The following CHM variants were observed in gnomAD, a reference collection of about 807,000 sequenced individuals.
The protein encoded by CHM is rab proteins geranylgeranyltransferase component A 1.
CHM carries 10 observed loss-of-function variants against 49.0 expected under a neutral mutation model. That is an observed-to-expected ratio of 0.20 (90% CI 0.13 to 0.35). The LOEUF is 0.35. Ranked by LOEUF, CHM falls within the 10% of genes least tolerant of loss-of-function variation. The pLI is 1.00. For missense variants in CHM, 455 were observed against 478.4 expected, an observed-to-expected ratio of 0.95 and a Z score of 0.46; for synonymous variants, 184 against 167.5, an observed-to-expected ratio of 1.10 and a Z score of -0.76.
At chrX:85,986,133 G>A (rs962770348) in intron 2 of CHM, among the ~76,000 whole-genome samples, 3 of 110,959 alleles carry the variant, frequency 2.7e-5, no homozygotes, top group African/African-American at 6.6e-5. Context: ...ACCCACCCCC[G>A]ACTGCTCGCC....
intron 8 of CHM, among the ~76,000 whole-genome samples, chrX:85,928,106 A>G (rs1928196883): frequency 1.8e-5 from 2 of 112,565 alleles, no homozygotes; most frequent in Admixed American, 9.4e-5. Context: ...GTATAACAAG[A>G]AAGAAGACAG....
At chrX:85,881,824 A>G (rs180919583) in intron 12 of CHM, among the ~76,000 whole-genome samples, 165 of 111,906 alleles carry the variant, frequency 1.5e-3, no homozygotes, top group African/African-American at 5.0e-3. Flanking sequence ...ATTCTGTTTA[A>G]TATTTATTTA....
intron 1 of CHM, among the ~76,000 whole-genome samples, chrX:86,039,707 C>T (rs757346707): frequency 1.8e-5 from 2 of 110,529 alleles, no homozygotes; most frequent in South Asian, 7.8e-4. Flanking sequence ...TTGCCTTTTC[C>T]GAAACCACTT....
At position 85,981,820 on chromosome X, in the gene CHM, T is replaced by TTA; in HGVS notation, c.117-12_117-11insTA. The TTA allele has an allele frequency of 2.1e-6, 2 of 949,876 alleles. No individual in the cohort carries two copies. Among genetic ancestry groups the TTA allele is most frequent in the Non-Finnish European group, 2.8e-6 (2 of 709,351 alleles). 78.3% of individuals were successfully genotyped at this position (949,876 alleles called of 1,213,427 possible). A position where few individuals can be genotyped will look rare whatever the true frequency, so the allele number is the denominator to read the frequency against. On this transcript the variant is annotated splice_polypyrimidine_tract_variant and intron_variant, in intron 2 of 14. Transcript: ENST00000357749. ...CCATAGTAGCTTCTTCTGTAACAATTAAAAAAAAAAAAAAAAGTAAAGAAA... is the reference window on the plus strand; with the variant it reads ...CCATAGTAGCTTCTTCTGTAACAATTTAAAAAAAAAAAAAAAAAGTAAAGAAA...
rs1555967768 is a variant in CHM at position 86,021,155 on chromosome X, T to TAC, written c.116+6335_116+6336insGT. ...ATATATATATATATATATATATATA[T>TAC]ATACACGTATATATATGTGTATATA... On this transcript the variant is annotated intron_variant, in intron 2 of 14. Transcript: ENST00000357749. Among the ~76,000 whole-genome samples, 3 of 50,909 alleles carry TAC rather than the reference T, an allele frequency of 5.9e-5. No homozygotes were observed. In the Admixed American group the frequency reaches 6.4e-4, roughly 11 times the overall value. 44.2% of individuals were successfully genotyped at this position (50,909 alleles called of 115,157 possible).
intron 6 of CHM, 66 bp from the exon 7 acceptor site, chrX:85,958,041 CT>C (rs1280186722): frequency 6.3e-5 from 72 of 1,141,675 alleles, no homozygotes; most frequent in Non-Finnish European, 8.1e-5. Context: ...CCAAATTACA[CT>C]TTTTTCCCCT....
At chrX:86,020,499 C>CATAT (rs749039451) in intron 2 of CHM, among the ~76,000 whole-genome samples, 4 of 104,974 alleles carry the variant, frequency 3.8e-5, no homozygotes, top group African/African-American at 6.9e-5. Context: ...GCAAATATTA[C>CATAT]ATATATATAT....
At chrX:85,865,422 G>A (rs1227046049) in intron 14 of CHM, among the ~76,000 whole-genome samples, 2 of 111,950 alleles carry the variant, frequency 1.8e-5, no homozygotes. Context: ...CCCCAGCCAT[G>A]TGGCCTTGTG....
intron 2 of CHM, among the ~76,000 whole-genome samples, chrX:86,003,662 G>A (rs1932793047): frequency 8.9e-6 from 1 of 111,804 alleles, no homozygotes; most frequent in Non-Finnish European, 1.9e-5. Context: ...AAGGGTATCA[G>A]TGACTGAAGA....
intron 2 of CHM, among the ~76,000 whole-genome samples, chrX:86,003,245 C>T (rs999890518): frequency 1.8e-5 from 2 of 111,761 alleles, no homozygotes; most frequent in East Asian, 2.8e-4. Context: ...ACACCAAAAC[C>T]CCATCTGTAG....
intron 1 of CHM, among the ~76,000 whole-genome samples, chrX:86,042,935 G>A (rs181921068): frequency 8.9e-6 from 1 of 111,748 alleles, no homozygotes; most frequent in Non-Finnish European, 1.9e-5. Context: ...CATCCCATCA[G>A]GCCCCACCTC....
At chrX:85,891,104 A>G (rs1314056541) in intron 12 of CHM, among the ~76,000 whole-genome samples, 3 of 112,121 alleles carry the variant, frequency 2.7e-5, no homozygotes, top group African/African-American at 9.7e-5. Context: ...TATCTGGTGG[A>G]AGAAATTTCT....
intron 9 of CHM, among the ~76,000 whole-genome samples, chrX:85,905,661 C>A (rs1358427144): frequency 9.0e-6 from 1 of 111,112 alleles, no homozygotes; most frequent in African/African-American, 3.3e-5. Flanking sequence ...GTTAAGCAAG[C>A]AAATAAGGAT....
intron 2 of CHM, among the ~76,000 whole-genome samples, chrX:86,020,540 G>A (rs1933491858): frequency 9.5e-6 from 1 of 105,363 alleles, no homozygotes; most frequent in Admixed American, 1.0e-4. Flanking sequence ...TATATATATT[G>A]CAAACATTAC....
intron 1 of CHM, among the ~76,000 whole-genome samples, chrX:86,042,309 G>C (rs957889352): frequency 6.3e-5 from 7 of 111,440 alleles, no homozygotes; most frequent in African/African-American, 2.3e-4. Flanking sequence ...TTCCTGTGTT[G>C]CCATAAAGGA....
At chrX:85,917,338 T>C (rs1927515665) in intron 8 of CHM, among the ~76,000 whole-genome samples, 1 of 110,974 alleles carries the variant, frequency 9.0e-6, no homozygotes, top group Non-Finnish European at 1.9e-5. Context: ...AAAATAACTA[T>C]AGGGTACTAG....
chrX:86,036,550 G>C (rs1222117032), intron 1 of CHM, among the ~76,000 whole-genome samples: 1 of 110,857 alleles, frequency 9.0e-6, no homozygotes, highest in Non-Finnish European at 1.9e-5. Flanking sequence ...TTACCTCCTG[G>C]ATCTGGAAAG....
At chrX:85,964,576 G>A (rs183418493) in intron 4 of CHM, among the ~76,000 whole-genome samples, 79 of 111,755 alleles carry the variant, frequency 7.1e-4, no homozygotes, top group African/African-American at 2.5e-3. Context: ...AACAGTGGTA[G>A]TTATCAAAGA....
intron 8 of CHM, among the ~76,000 whole-genome samples, chrX:85,929,032 C>T (rs1928257869): frequency 9.0e-6 from 1 of 111,264 alleles, no homozygotes; most frequent in Non-Finnish European, 1.9e-5. Context: ...GCATATTTTC[C>T]AAAAGAAGTA....
Sources: gnomAD v4.1 joint callset for allele counts (sites outside exome capture counted in the v4.1 genomes callset) on GRCh38, gnomAD v4.1.1 for gene constraint, MANE v1.5 for transcripts, NCBI Gene and HGNC (gene_info 2026-07-23, HGNC 2026-07-21) for gene names.